Variants in CHM observed in about 807,000 individuals in gnomAD.
The protein encoded by CHM is CHM Rab escort protein.
Under a neutral mutation model 49.0 loss-of-function variants are expected in CHM, and 10 were observed. That is an observed-to-expected ratio of 0.20 (90% CI 0.13 to 0.35). The LOEUF (loss-of-function observed/expected upper bound fraction) is 0.35, where lower values mean the gene tolerates loss of function less well. CHM is among the 10% of genes least tolerant of loss of function. The probability of loss-of-function intolerance (pLI) is 1.00; values close to 1 mark genes in which losing one functional copy is unlikely to be tolerated. For missense variants in CHM, 455 were observed against 478.4 expected (o/e 0.95, Z 0.46); for synonymous variants, 184 against 167.5 (o/e 1.10, Z -0.76).
intron 2 of CHM, among the ~76,000 whole-genome samples, chrX:86,008,172 T>C (rs991161955): frequency 7.2e-5 from 8 of 111,524 alleles, no homozygotes; most frequent in African/African-American, 2.6e-4. Flanking sequence ...AAACCAAACA[T>C]GACATGTTCT....
At chrX:86,015,153 C>T (rs1933240230) in intron 2 of CHM, among the ~76,000 whole-genome samples, 1 of 110,826 alleles carries the variant, frequency 9.0e-6, no homozygotes, top group Admixed American at 9.6e-5. Flanking sequence ...ATCTTGAATT[C>T]CCATGTGTTG....
Position 85,911,314 on chromosome X carries a change from A to C in CHM, c.1191T>G (p.Ile397Met). The change falls in exon 9 of 15, where the codon ATT (isoleucine) becomes ATG (methionine). Residue 397 changes from isoleucine (I) to methionine (M), a missense_variant. Coordinates refer to ENST00000357749, the MANE Select transcript of CHM (RefSeq NM_000390.4). ...ACTGTACTGAATGGCGAAGACAATA[A>C]ATTCCACCAAACACAGCACACATCC... is the stretch of plus-strand genomic sequence containing the variant. ...FCRMCAVFGG[I>M]YCLRHSVQCL... The C allele has an allele frequency of 9.5e-7, 1 of 1,048,748 alleles. No individual in the cohort carries two copies. Among genetic ancestry groups the C allele is most frequent in the Non-Finnish European group, 1.3e-6 (1 of 793,700 alleles). The allele number at this position is 1,048,748 out of a possible 1,213,427, so 86.4% of individuals were successfully genotyped here.
intron 12 of CHM, among the ~76,000 whole-genome samples, chrX:85,881,574 G>A (rs1028478540): frequency 2.7e-5 from 3 of 111,778 alleles, no homozygotes; most frequent in African/African-American, 6.5e-5. Flanking sequence ...GGGACTCAGA[G>A]CTCGAATTGA....
chrX:85,979,194 A>C (rs1931455716), intron 3 of CHM, among the ~76,000 whole-genome samples: 1 of 112,132 alleles, frequency 8.9e-6, no homozygotes. Context: ...CTTAAGAACT[A>C]GGACAACTAA....
intron 8 of CHM, among the ~76,000 whole-genome samples, chrX:85,952,887 A>G (rs1312554032): frequency 8.9e-6 from 1 of 112,768 alleles, no homozygotes; most frequent in Admixed American, 9.3e-5. Flanking sequence ...AGCTTACTGA[A>G]GGGTACTTGG....
chrX:85,898,347 C>T (rs917863751), intron 11 of CHM, among the ~76,000 whole-genome samples: 4 of 111,483 alleles, frequency 3.6e-5, no homozygotes, highest in African/African-American at 1.3e-4. Context: ...GTCTCCCATC[C>T]CATCCAAGGG....
intron 11 of CHM, among the ~76,000 whole-genome samples, chrX:85,896,938 ACAT>A (rs1208866949): frequency 1.0e-5 from 1 of 96,810 alleles, no homozygotes; most frequent in East Asian, 3.1e-4. Context: ...AATACGTAAT[ACAT>A]AATATATAAT....
intron 4 of CHM, among the ~76,000 whole-genome samples, chrX:85,965,510 A>T (rs980848102): frequency 9.0e-6 from 1 of 111,671 alleles, no homozygotes; most frequent in African/African-American, 3.3e-5. Flanking sequence ...ACTGCTCCAT[A>T]GATGTGGTAT....
chrX:85,867,858 G>A (rs190390775), intron 14 of CHM, among the ~76,000 whole-genome samples: 1 of 111,477 alleles, frequency 9.0e-6, no homozygotes, highest in African/African-American at 3.3e-5. Context: ...AACCTTCAAG[G>A]GTATGTTCTT....
At chrX:85,947,345 G>A (rs773180219) in intron 8 of CHM, among the ~76,000 whole-genome samples, 5 of 111,874 alleles carry the variant, frequency 4.5e-5, no homozygotes, top group African/African-American at 1.6e-4. Flanking sequence ...CTCATGAATG[G>A]TTTAGCACCA....
At chrX:85,985,814 T>C (rs1244607657) in intron 2 of CHM, among the ~76,000 whole-genome samples, 1 of 111,850 alleles carries the variant, frequency 8.9e-6, no homozygotes, top group Non-Finnish European at 1.9e-5. Flanking sequence ...CAGTATACCA[T>C]AGCAGCCCTA....
intron 8 of CHM, among the ~76,000 whole-genome samples, chrX:85,948,121 A>G (rs982492044): frequency 8.9e-6 from 1 of 112,142 alleles, no homozygotes; most frequent in African/African-American, 3.2e-5. Flanking sequence ...TACTGCTCCA[A>G]TTAACAGGTT....
At chrX:86,021,091 TACAC>T (rs1218635411) in intron 2 of CHM, among the ~76,000 whole-genome samples, 23 of 92,448 alleles carry the variant, frequency 2.5e-4, no homozygotes, top group Non-Finnish European at 4.7e-4. Flanking sequence ...CACATATATA[TACAC>T]ATATATATAC....
At chrX:85,893,663 G>A (rs1445963926) in intron 12 of CHM, among the ~76,000 whole-genome samples, 1 of 111,088 alleles carries the variant, frequency 9.0e-6, no homozygotes, top group Non-Finnish European at 1.9e-5. Flanking sequence ...GTTCAAGGAA[G>A]CTTTTTTATC....
intron 8 of CHM, among the ~76,000 whole-genome samples, chrX:85,941,429 C>T (rs1348149979): frequency 8.9e-6 from 1 of 111,733 alleles, no homozygotes; most frequent in African/African-American, 3.2e-5. Context: ...CTATCGTTTC[C>T]TTAACATACA....
intron 4 of CHM, among the ~76,000 whole-genome samples, chrX:85,972,037 C>T (rs1158784403): frequency 1.8e-5 from 2 of 110,713 alleles, no homozygotes; most frequent in East Asian, 5.7e-4. Context: ...CCCACCAGAG[C>T]AGCTAGATAC....
chrX:86,030,797 G>A (rs1342109595), intron 1 of CHM, among the ~76,000 whole-genome samples: 1 of 110,257 alleles, frequency 9.1e-6, no homozygotes, highest in African/African-American at 3.3e-5. Flanking sequence ...GTGGAAAGGA[G>A]CATTCCTGGC....
chrX:85,923,214 A>G (rs1927894079), intron 8 of CHM, among the ~76,000 whole-genome samples: 1 of 112,542 alleles, frequency 8.9e-6, no homozygotes, highest in African/African-American at 3.2e-5. Flanking sequence ...GGGGATAATG[A>G]TATCTATTGC....
Position 85,864,247 on chromosome X carries a change from T to C in CHM, c.*383A>G, listed in dbSNP as rs887295038. On this transcript the variant is annotated 3_prime_UTR_variant, in exon 15 of 15. Transcript: ENST00000357749. ...ATAAAATTCAAATAACCAAAGAAAA[T>C]ACATGAGCTGGTTCTGAAAATGTGG... The C allele has an allele frequency of 4.2e-5, 7 of 165,894 alleles. No individual in the cohort carries two copies. Among genetic ancestry groups the C allele is most frequent in the Non-Finnish European group, 6.8e-5 (6 of 87,901 alleles). The allele number at this position is 165,894 out of a possible 1,213,427, so 13.7% of individuals were successfully genotyped here.
Sources: allele counts gnomAD v4.1 joint callset (sites outside exome capture counted in the v4.1 genomes callset), GRCh38; gene constraint gnomAD v4.1.1; transcripts MANE v1.5; gene names NCBI Gene and HGNC (gene_info 2026-07-23, HGNC 2026-07-21).